SAMD3: variants seen among roughly 807,000 people sequenced by gnomAD.
The protein encoded by SAMD3 is sterile alpha motif domain-containing protein 3.
In SAMD3, 63 loss-of-function variants were observed where a neutral mutation model predicts 58.5. The ratio of observed to expected loss-of-function variants is 1.08; its 90% CI spans 0.88 to 1.33. The LOEUF is 1.33. Among genes scored for constraint, SAMD3 ranks in the 40% most tolerant of loss-of-function variants. The pLI, the probability that SAMD3 is intolerant of heterozygous loss-of-function variation, is 0.00. For missense variants in SAMD3, 604 were observed against 608.4 expected, an observed-to-expected ratio of 0.99 and a Z score of 0.08; for synonymous variants, 220 against 210.3, an observed-to-expected ratio of 1.05 and a Z score of -0.40.
At chr6:130,325,395 G>A (rs1351170706) in intron 1 of SAMD3, among the ~76,000 whole-genome samples, 1 of 152,170 alleles carries the variant, frequency 6.6e-6, no homozygotes, top group Non-Finnish European at 1.5e-5. Flanking sequence ...AAGGGCAGGA[G>A]ATGGTGGTGT....
chr6:130,305,054 C>A (rs1283006043), intron 2 of SAMD3, among the ~76,000 whole-genome samples: 1 of 149,206 alleles, frequency 6.7e-6, no homozygotes, highest in Non-Finnish European at 1.5e-5. Flanking sequence ...CATGCCTCAG[C>A]CTTTCAAGTA....
At chr6:130,176,728 T>C (rs977826022) in intron 7 of SAMD3, among the ~76,000 whole-genome samples, 1 of 152,180 alleles carries the variant, frequency 6.6e-6, no homozygotes, top group African/African-American at 2.4e-5. Flanking sequence ...GGTAACTGCA[T>C]GAAGGGATGG....
chr6:130,321,908 C>T (rs1776598466), intron 1 of SAMD3, among the ~76,000 whole-genome samples: 2 of 152,082 alleles, frequency 1.3e-5, no homozygotes, highest in East Asian at 1.9e-4. Context: ...TCACAGAAAA[C>T]CAGAAGAATG....
intron 1 of SAMD3, among the ~76,000 whole-genome samples, chr6:130,340,403 C>G (rs886803108): frequency 6.6e-6 from 1 of 152,198 alleles, no homozygotes; most frequent in African/African-American, 2.4e-5. Flanking sequence ...GCCTCCCCAG[C>G]TCTTTTGCTT....
chr6:130,334,985 T>G (rs1410682549), intron 1 of SAMD3, among the ~76,000 whole-genome samples: 2 of 152,190 alleles, frequency 1.3e-5, no homozygotes, highest in Non-Finnish European at 2.9e-5. Flanking sequence ...TTTAAAAGAT[T>G]TATAATATTT....
intron 8 of SAMD3, among the ~76,000 whole-genome samples, chr6:130,165,909 G>A (rs575634594): frequency 7.0e-4 from 107 of 152,210 alleles, no homozygotes; most frequent in African/African-American, 2.5e-3. Context: ...GATGAACATC[G>A]AGCTATGATG....
chr6:130,360,056 T>C (rs9483116), intron 1 of SAMD3, among the ~76,000 whole-genome samples: 38,554 of 152,072 alleles, frequency 0.25, 6,151 homozygotes, highest in African/African-American at 0.45. Context: ...GAATGGTATC[T>C]AATGCAAAGA....
At position 130,146,050 on chromosome 6, in the gene SAMD3, T is replaced by C. The variant is rs774159272; in HGVS notation, c.1155A>G (p.Gln385=). ...CATCTGTGTAATGTTTCATTTTTTC[T>C]TGCAATACAATATTGATTGGATTGT... ...VVDNPINIVL[Q]EKMKHYTDED... Residue 385 remains glutamine, a synonymous_variant, in exon 10 of 12, where the codon CAA becomes CAG. Coordinates refer to ENST00000439090, the MANE Select transcript of SAMD3 (RefSeq NM_001017373.4). 2 of 1,575,532 alleles carry C rather than the reference T, an allele frequency of 1.3e-6. No individual in the cohort carries two copies. Among genetic ancestry groups the C allele is most frequent in the East Asian group, 4.6e-5 (2 of 43,090 alleles).
intron 5 of SAMD3, among the ~76,000 whole-genome samples, chr6:130,193,921 G>A (rs970805704): frequency 6.6e-6 from 1 of 151,810 alleles, no homozygotes; most frequent in African/African-American, 2.4e-5. Flanking sequence ...CCTCCCTCCT[G>A]TCCCCTCAGT....
intron 9 of SAMD3, among the ~76,000 whole-genome samples, chr6:130,146,979 AAAAG>A (rs774638155): frequency 6.6e-6 from 1 of 152,114 alleles, no homozygotes; most frequent in Non-Finnish European, 1.5e-5. Context: ...GTCTCAAAAG[AAAAG>A]AAAGAAAAAG....
chr6:130,157,966 C>CA (rs202028271), intron 8 of SAMD3, among the ~76,000 whole-genome samples: 5 of 149,222 alleles, frequency 3.4e-5, no homozygotes, highest in African/African-American at 9.8e-5. Flanking sequence ...AATTAAATTG[C>CA]AAAAAAAACC....
At position 130,324,162 on chromosome 6, in the gene SAMD3, T is replaced by G. The variant is rs187245483; in HGVS notation, c.-303-11069A>C. Among the ~76,000 whole-genome samples the G allele has an allele frequency of 6.0e-3, 919 of 152,342 alleles. 6 individuals carry two copies. The highest frequency in any genetic ancestry group is 0.017 in the South Asian group (81 of 4,834). On this transcript the variant is annotated intron_variant, in intron 1 of 13. Coordinates refer to the SAMD3 transcript ENST00000368134. ...ATTACTGTTAATAATTTACAAAGTT[T>G]AGAAAGTTTAGTTTGGAAAGATTAG...
chr6:130,187,039 G>C (rs1275125148), intron 5 of SAMD3, among the ~76,000 whole-genome samples: 1 of 151,960 alleles, frequency 6.6e-6, no homozygotes, highest in Non-Finnish European at 1.5e-5. Flanking sequence ...CAAAGCGCTG[G>C]GATTACAGGT....
At chr6:130,171,981 A>T (rs115988727) in intron 8 of SAMD3, among the ~76,000 whole-genome samples, 12,712 of 152,094 alleles carry the variant, frequency 0.084, 785 homozygotes, top group African/African-American at 0.17. Context: ...TTTGTCTTTT[A>T]TGATCTTTGT....
chr6:130,349,638 G>A (rs960922164), intron 1 of SAMD3, among the ~76,000 whole-genome samples: 55 of 152,250 alleles, frequency 3.6e-4, no homozygotes, highest in African/African-American at 1.3e-3. Flanking sequence ...TTCTACCAGA[G>A]GTACAAGGAG....
At chr6:130,349,960 A>G (rs1211625919) in intron 1 of SAMD3, among the ~76,000 whole-genome samples, 1 of 152,212 alleles carries the variant, frequency 6.6e-6, no homozygotes, top group Non-Finnish European at 1.5e-5. Flanking sequence ...AACAGAACCA[A>G]AGACCAAAAC....
At chr6:130,148,660 C>T (rs1788856890) in intron 9 of SAMD3, among the ~76,000 whole-genome samples, 1 of 152,124 alleles carries the variant, frequency 6.6e-6, no homozygotes, top group Admixed American at 6.6e-5. Flanking sequence ...ATCATTTGAG[C>T]CCAGGAGTTT....
chr6:130,224,022 AAGT>A (rs1160252161), upstream of SAMD3, among the ~76,000 whole-genome samples: 1 of 152,032 alleles, frequency 6.6e-6, no homozygotes, highest in East Asian at 1.9e-4. Context: ...TGACTGGTGG[AAGT>A]AGCTCTCAGC....
intron 7 of SAMD3, chr6:130,182,906 G>T (rs528085279): frequency 4.4e-5 from 7 of 159,698 alleles, no homozygotes; most frequent in African/African-American, 1.4e-4. Flanking sequence ...AGAGATACAG[G>T]GAATAATAGA....
Sources: gnomAD v4.1 joint callset for allele counts (sites outside exome capture counted in the v4.1 genomes callset) on GRCh38, gnomAD v4.1.1 for gene constraint, MANE v1.5 for transcripts, NCBI Gene and HGNC (gene_info 2026-07-23, HGNC 2026-07-21) for gene names.